The following NRG3 variants were observed in gnomAD, a reference collection of about 807,000 sequenced individuals.
The protein encoded by NRG3 is neuregulin 3.
NRG3 carries 31 observed loss-of-function variants against 66.9 expected under a neutral mutation model. That is an observed-to-expected ratio of 0.46 (90% CI 0.35 to 0.63). The LOEUF is 0.63. Ranked by LOEUF, NRG3 falls within the 20% of genes least tolerant of loss-of-function variation. NRG3 has a pLI of 0.00. For synonymous variants in NRG3, 393 were observed against 359.4 expected (o/e 1.09, Z -1.06); for missense variants, 910 against 878.9 (o/e 1.04, Z -0.45).
At chr10:82,404,136 A>G (rs1346722931) in intron 2 of NRG3, among the ~76,000 whole-genome samples, 4 of 152,286 alleles carry the variant, frequency 2.6e-5, no homozygotes, top group Non-Finnish European at 1.5e-5. Flanking sequence ...ATTTATCACA[A>G]TTAGGGAGAA....
intron 2 of NRG3, among the ~76,000 whole-genome samples, chr10:82,463,194 C>A (rs538474863): frequency 1.3e-5 from 2 of 152,256 alleles, no homozygotes; most frequent in East Asian, 1.9e-4. Context: ...AGATGGCAGG[C>A]GGTTATTTCC....
intron 1 of NRG3, among the ~76,000 whole-genome samples, chr10:82,018,695 C>G (rs1293051924): frequency 6.6e-6 from 1 of 152,134 alleles, no homozygotes; most frequent in African/African-American, 2.4e-5. Context: ...CTCTTTGAAG[C>G]AATTGTGAAT....
At chr10:82,830,766 A>T (rs2062477588) in intron 3 of NRG3, among the ~76,000 whole-genome samples, 1 of 152,154 alleles carries the variant, frequency 6.6e-6, no homozygotes, top group African/African-American at 2.4e-5. Flanking sequence ...TGCTAAAAAG[A>T]GATAAAGGAA....
At chr10:82,786,473 C>T (rs186440105) in intron 3 of NRG3, among the ~76,000 whole-genome samples, 2 of 151,970 alleles carry the variant, frequency 1.3e-5, no homozygotes, top group South Asian at 2.1e-4. Context: ...GAATGTATAT[C>T]CTATGCCTGC....
intron 2 of NRG3, among the ~76,000 whole-genome samples, chr10:82,412,526 A>G (rs540553454): frequency 3.3e-5 from 5 of 152,282 alleles, no homozygotes; most frequent in African/African-American, 9.6e-5. Context: ...TCCTACCTCA[A>G]TGTTGATGGC....
At chr10:82,937,900 G>T (rs1415168983) in intron 4 of NRG3, among the ~76,000 whole-genome samples, 1 of 152,148 alleles carries the variant, frequency 6.6e-6, no homozygotes, top group Non-Finnish European at 1.5e-5. Flanking sequence ...TTGAACACTT[G>T]AAACATGGCT....
chr10:82,545,092 A>G (rs1451997925), intron 2 of NRG3, among the ~76,000 whole-genome samples: 36 of 152,200 alleles, frequency 2.4e-4, no homozygotes, highest in South Asian at 2.1e-4. Flanking sequence ...GAAAGAAAGA[A>G]CTAAGTATGA....
At chr10:82,684,788 A>G (rs1282410631) in intron 2 of NRG3, among the ~76,000 whole-genome samples, 1 of 152,204 alleles carries the variant, frequency 6.6e-6, no homozygotes, top group Non-Finnish European at 1.5e-5. Flanking sequence ...TGCAAAACAG[A>G]AAAGATTGGG....
Position 82,958,982 on chromosome 10 carries a change from A to T in NRG3, c.1191A>T (p.Lys397Asn), listed in dbSNP as rs765688017. The change falls in exon 6 of 9, where the codon AAA becomes AAT. Residue 397 changes from lysine (K) to asparagine (N), a missense_variant. Transcript: ENST00000372141. The stretch of plus-strand genomic sequence containing the variant: ...CTAAACAAATCCAAGAGCAGCTGAA[A>T]GTGCCACAAAATGGTAAAAGCTACA... ...KQAKQIQEQL[K>N]VPQNGKSYSL... The T allele has an allele frequency of 6.2e-7, 1 of 1,604,422 alleles. No homozygotes were observed. The highest frequency in any genetic ancestry group is 8.5e-7 in the Non-Finnish European group (1 of 1,177,398).
intron 4 of NRG3, among the ~76,000 whole-genome samples, chr10:82,870,476 G>A (rs1841237732): frequency 6.6e-6 from 1 of 152,162 alleles, no homozygotes; most frequent in Admixed American, 6.5e-5. Context: ...GGTCATATGG[G>A]AAGGATATGT....
At chr10:82,745,374 A>G (rs2058599221) in intron 3 of NRG3, among the ~76,000 whole-genome samples, 1 of 152,186 alleles carries the variant, frequency 6.6e-6, no homozygotes, top group African/African-American at 2.4e-5. Flanking sequence ...ACAAAGCAGA[A>G]ACTAATTATC....
intron 4 of NRG3, among the ~76,000 whole-genome samples, chr10:82,939,654 A>G (rs956226872): frequency 6.6e-6 from 1 of 151,924 alleles, no homozygotes; most frequent in Non-Finnish European, 1.5e-5. Flanking sequence ...TATTTTTAGT[A>G]GAGATGGGGT....
intron 3 of NRG3, among the ~76,000 whole-genome samples, chr10:82,797,279 G>A (rs531010529): frequency 5.0e-4 from 76 of 152,188 alleles, no homozygotes; most frequent in African/African-American, 1.7e-3. Flanking sequence ...CTCTCTCTGG[G>A]CCACATCTTT....
chr10:82,605,445 T>C (rs1220031131), intron 2 of NRG3, among the ~76,000 whole-genome samples: 1 of 152,144 alleles, frequency 6.6e-6, no homozygotes, highest in East Asian at 1.9e-4. Flanking sequence ...GTTTGCGGTA[T>C]AGAATTCTTT....
At chr10:82,081,470 C>A (rs561794287) in intron 1 of NRG3, among the ~76,000 whole-genome samples, 1 of 151,934 alleles carries the variant, frequency 6.6e-6, no homozygotes. Flanking sequence ...CTTTAACTGC[C>A]GCAATCTGGC....
At chr10:82,533,602 G>A (rs1251007032) in intron 2 of NRG3, among the ~76,000 whole-genome samples, 1 of 152,024 alleles carries the variant, frequency 6.6e-6, no homozygotes, top group Non-Finnish European at 1.5e-5. Context: ...ACATAATGAA[G>A]GCCATATATG....
chr10:82,816,546 G>A (rs560728135), intron 3 of NRG3, among the ~76,000 whole-genome samples: 11 of 152,326 alleles, frequency 7.2e-5, no homozygotes, highest in African/African-American at 2.6e-4. Context: ...GGCAGCCATG[G>A]GTGGGCCCAG....
intron 3 of NRG3, among the ~76,000 whole-genome samples, chr10:82,803,267 A>T (rs2061128486): frequency 6.6e-6 from 1 of 152,150 alleles, no homozygotes; most frequent in Admixed American, 6.5e-5. Context: ...TTATCTGTGG[A>T]TGTGAGAGTC....
chr10:82,388,129 C>G (rs1395313543), intron 2 of NRG3, among the ~76,000 whole-genome samples: 1 of 152,092 alleles, frequency 6.6e-6, no homozygotes, highest in Non-Finnish European at 1.5e-5. Context: ...AATTACTCAT[C>G]ACTTCACTGA....
Sources: gnomAD v4.1 joint callset for allele counts (sites outside exome capture counted in the v4.1 genomes callset) on GRCh38, gnomAD v4.1.1 for gene constraint, MANE v1.5 for transcripts, NCBI Gene and HGNC (gene_info 2026-07-23, HGNC 2026-07-21) for gene names.